Variants in CRYZL1 observed in about 807,000 individuals in gnomAD.
CRYZL1 encodes the protein crystallin zeta like 1.
In CRYZL1, 34 loss-of-function variants were observed where a neutral mutation model predicts 50.6. The observed-to-expected ratio is 0.67, with a 90% confidence interval of 0.51 to 0.89. The LOEUF is 0.89. Ranked by LOEUF, CRYZL1 falls within the 40% of genes least tolerant of loss-of-function variation. The probability of loss-of-function intolerance (pLI) is 0.00; values close to 1 mark genes in which losing one functional copy is unlikely to be tolerated. For synonymous variants in CRYZL1, 125 were observed against 134.3 expected, an observed-to-expected ratio of 0.93 and a Z score of 0.48; for missense variants, 354 against 402.3, an observed-to-expected ratio of 0.88 and a Z score of 1.03.
intron 1 of CRYZL1, among the ~76,000 whole-genome samples, chr21:33,632,579 C>T (rs950842379): frequency 7.2e-5 from 11 of 151,864 alleles, no homozygotes; most frequent in African/African-American, 2.2e-4. Context: ...GGATTCACCA[C>T]GTTGGCCAGG....
chr21:33,637,579 T>G (rs1302536218), intron 1 of CRYZL1, among the ~76,000 whole-genome samples: 1 of 151,762 alleles, frequency 6.6e-6, no homozygotes, highest in Non-Finnish European at 1.5e-5. Context: ...TCCCCTATGG[T>G]TAATTTAATT....
intron 6 of CRYZL1, among the ~76,000 whole-genome samples, chr21:33,606,778 G>A (rs1428571895): frequency 6.6e-6 from 1 of 152,050 alleles, no homozygotes; most frequent in African/African-American, 2.4e-5. Flanking sequence ...GGGAGGCCGA[G>A]ACAGGCAGAG....
chr21:33,640,245 T>TG lies in CRYZL1; in HGVS notation c.-7+1435_-7+1436insC. 3 of 1,542,500 alleles carry TG rather than the reference T, an allele frequency of 1.9e-6. No individual in the cohort carries two copies. In the African/African-American group the frequency reaches 4.2e-5, roughly 21 times the overall value. ...ATTTCATTGCACAAGGCTGGCAGCT[T>TG]TATCTTGTATGGCGAACTACCTCAC... On this transcript the variant is annotated intron_variant, in intron 1 of 12. Transcript: ENST00000381554.
intron 3 of CRYZL1, among the ~76,000 whole-genome samples, chr21:33,623,381 C>T (rs116266834): frequency 6.3e-4 from 96 of 152,262 alleles, no homozygotes; most frequent in African/African-American, 2.2e-3. Flanking sequence ...TTTTCATAAC[C>T]ATTATGCTTA....
At chr21:33,609,916 G>A (rs988471106) in intron 6 of CRYZL1, among the ~76,000 whole-genome samples, 1 of 151,072 alleles carries the variant, frequency 6.6e-6, no homozygotes, top group Admixed American at 6.6e-5. Flanking sequence ...GTGTTAGCCA[G>A]GATGGTCTCG....
chr21:33,616,676 C>T, intron 5 of CRYZL1, 30 bp downstream of exon 5: 1 of 1,607,706 alleles, frequency 6.2e-7, no homozygotes, highest in Non-Finnish European at 8.5e-7. Flanking sequence ...AAATAGATGA[C>T]TTGAAATAAG....
At chr21:33,605,094 C>A (rs139969756) in intron 6 of CRYZL1, among the ~76,000 whole-genome samples, 1 of 152,242 alleles carries the variant, frequency 6.6e-6, no homozygotes, top group African/African-American at 2.4e-5. Flanking sequence ...GAGCATCTTT[C>A]CATGTTCACT....
rs796655200 is a variant in CRYZL1, at chr21:33,597,485, G to A, written c.677-84C>T. 1.7e-5 allele frequency: 19 copies of A among 1,105,822 alleles called. No individual in the cohort carries two copies. In the African/African-American group the frequency reaches 2.5e-4, roughly 15 times the overall value. 68.5% of individuals were successfully genotyped at this position (1,105,822 alleles called of 1,614,324 possible). A position where few individuals can be genotyped will look rare whatever the true frequency, so the allele number is the denominator to read the frequency against. On this transcript the variant is annotated intron_variant, in intron 9 of 12. Coordinates refer to ENST00000381554, the MANE Select transcript of CRYZL1 (RefSeq NM_145858.3). ...TGACAAAAATTTATTCTTCAAACAA[G>A]TTCTTATTTATTTAGAGACAAGGTC... is the stretch of plus-strand genomic sequence containing the variant.
intron 11 of CRYZL1, among the ~76,000 whole-genome samples, chr21:33,594,139 A>T (rs541650103): frequency 6.7e-6 from 1 of 150,338 alleles, no homozygotes; most frequent in Non-Finnish European, 1.5e-5. Flanking sequence ...TTACAATGTT[A>T]TTGGATTGGA....
At chr21:33,616,571 C>A (rs560840751) in intron 5 of CRYZL1, 135 bp downstream of exon 5, 27 of 1,528,532 alleles carry the variant, frequency 1.8e-5, no homozygotes, top group East Asian at 2.5e-5. Flanking sequence ...GGATTACAGA[C>A]GTGAGCCACA....
chr21:33,595,182 A>G, intron 11 of CRYZL1: 1 of 1,098,702 alleles, frequency 9.1e-7, no homozygotes, highest in Non-Finnish European at 1.1e-6. Flanking sequence ...TTTGGCTTCA[A>G]TCACACCAGA....
chr21:33,589,592 T>A lies in CRYZL1; in HGVS notation c.*230A>T. ...TATATAGAAACAATGAAAAGGTTTT[T>A]AGAAAAATTCCCTTAAGATGTTAAT... On this transcript the variant is annotated 3_prime_UTR_variant, in exon 13 of 13. Coordinates refer to ENST00000381554, the MANE Select transcript of CRYZL1 (RefSeq NM_145858.3). 1 of 508,760 alleles carries A rather than the reference T, an allele frequency of 2.0e-6. No individual in the cohort carries two copies. The allele number at this position is 508,760 out of a possible 1,614,324, so 31.5% of individuals were successfully genotyped here. A position where few individuals can be genotyped will look rare whatever the true frequency, so the allele number is the denominator to read the frequency against.
intron 3 of CRYZL1, among the ~76,000 whole-genome samples, chr21:33,624,171 C>T (rs377142286): frequency 4.0e-5 from 6 of 151,866 alleles, no homozygotes; most frequent in African/African-American, 9.7e-5. Context: ...ATATAAAATA[C>T]GTAACTTCAA....
At chr21:33,629,488 C>T (rs902188880) in intron 2 of CRYZL1, among the ~76,000 whole-genome samples, 2 of 152,224 alleles carry the variant, frequency 1.3e-5, no homozygotes, top group African/African-American at 4.8e-5. Flanking sequence ...GTCTTGAACT[C>T]TTGAGCTCAG....
intron 7 of CRYZL1, 160 bp downstream of exon 7, chr21:33,603,244 T>C (rs1244122459): frequency 5.3e-6 from 4 of 749,216 alleles, no homozygotes; most frequent in Admixed American, 2.8e-5. Flanking sequence ...TGATCTTCTA[T>C]TGATAAAAGC....
intron 4 of CRYZL1, among the ~76,000 whole-genome samples, chr21:33,620,005 G>GT (rs1163997084): frequency 6.6e-6 from 1 of 152,170 alleles, no homozygotes; most frequent in Admixed American, 6.5e-5. Context: ...AGAGTGAACC[G>GT]TTTAAGGGCA....
At chr21:33,635,400 G>C (rs1182932471) in intron 1 of CRYZL1, among the ~76,000 whole-genome samples, 1 of 143,148 alleles carries the variant, frequency 7.0e-6, no homozygotes, top group East Asian at 2.1e-4. Context: ...GCCCAGGCTG[G>C]AGTGCAGTGG....
At chr21:33,629,846 C>T (rs1441825428) in intron 2 of CRYZL1, among the ~76,000 whole-genome samples, 1 of 152,122 alleles carries the variant, frequency 6.6e-6, no homozygotes, top group African/African-American at 2.4e-5. Context: ...TTTTCCTGTT[C>T]AGTATGATGT....
chr21:33,636,083 T>C (rs2087203566), intron 1 of CRYZL1, among the ~76,000 whole-genome samples: 1 of 152,190 alleles, frequency 6.6e-6, no homozygotes, highest in South Asian at 2.1e-4. Flanking sequence ...TAAATTTTAC[T>C]ATACCAAAAA....
Sources: allele counts gnomAD v4.1 joint callset (sites outside exome capture counted in the v4.1 genomes callset), GRCh38; gene constraint gnomAD v4.1.1; transcripts MANE v1.5; gene names NCBI Gene and HGNC (gene_info 2026-07-23, HGNC 2026-07-21).